Variants in ARHGAP21 observed in about 807,000 individuals in gnomAD.
ARHGAP21 encodes Rho GTPase activating protein 21.
Under a neutral mutation model 164.6 loss-of-function variants are expected in ARHGAP21, and 38 were observed. The observed-to-expected ratio is 0.23, with a 90% CI of 0.18 to 0.30. ARHGAP21 has a LOEUF of 0.30. ARHGAP21 is among the 10% of genes least tolerant of loss of function. The pLI is 1.00. For synonymous variants in ARHGAP21, 766 were observed against 857.9 expected, an observed-to-expected ratio of 0.89 and a Z score of 1.87; for missense variants, 1,822 against 2,370.7, an observed-to-expected ratio of 0.77 and a Z score of 4.81.
In ARHGAP21 at chr10:24,723,582, G is replaced by T. The variant is rs1273854694; in HGVS notation, c.-401C>A. 1 of 146,334 alleles carries T rather than the reference G, an allele frequency of 6.8e-6. No homozygotes were observed. Among genetic ancestry groups the T allele is most frequent in the Non-Finnish European group, 1.5e-5 (1 of 65,712 alleles). The allele number at this position is 146,334 out of a possible 1,614,324, so 9.1% of individuals were successfully genotyped here. ...CGCACCAGAGGAAGCGGGACGAGTGGATCCGCACGGGGCTGGCCGGCTCCG... is the reference window on the plus strand; with the variant it reads ...CGCACCAGAGGAAGCGGGACGAGTGTATCCGCACGGGGCTGGCCGGCTCCG... On this transcript the variant is annotated 5_prime_UTR_variant, in exon 1 of 26. Coordinates refer to ENST00000396432, the MANE Select transcript of ARHGAP21 (RefSeq NM_020824.4).
chr10:24,695,659 C>A (rs571082955), intron 2 of ARHGAP21, among the ~76,000 whole-genome samples: 1 of 152,274 alleles, frequency 6.6e-6, no homozygotes, highest in African/African-American at 2.4e-5. Context: ...CTCGCCTACA[C>A]TCTCTCTGGC....
chr10:24,617,267 T>A (rs1299105613), intron 9 of ARHGAP21, among the ~76,000 whole-genome samples: 1 of 152,232 alleles, frequency 6.6e-6, no homozygotes, highest in African/African-American at 2.4e-5. Flanking sequence ...GGAAGAAATA[T>A]TAACAGATAT....
chr10:24,628,804 TACATATATATAC>T (rs1243339037), intron 7 of ARHGAP21, among the ~76,000 whole-genome samples: 1 of 99,870 alleles, frequency 1.0e-5, no homozygotes, highest in Non-Finnish European at 2.1e-5. Context: ...TACACATATA[TACATATATATAC>T]ATATACACAC....
chr10:24,718,898 GA>G (rs891804851), intron 2 of ARHGAP21, among the ~76,000 whole-genome samples: 12 of 151,522 alleles, frequency 7.9e-5, no homozygotes, highest in Non-Finnish European at 1.5e-4. Context: ...GTTAGAAATG[GA>G]AAAAAAATCA....
chr10:24,658,767 T>C (rs1337699221), intron 4 of ARHGAP21, among the ~76,000 whole-genome samples: 2 of 151,408 alleles, frequency 1.3e-5, no homozygotes, highest in African/African-American at 4.9e-5. Context: ...ACATGGCACA[T>C]GTATACATAT....
intron 25 of ARHGAP21, 85 bp from the exon 26 acceptor site, chr10:24,586,191 T>C: frequency 7.1e-7 from 1 of 1,411,954 alleles, no homozygotes; most frequent in Non-Finnish European, 9.3e-7. Context: ...CAAATATTTC[T>C]TATCAAATTA....
chr10:24,686,350 G>T lies in ARHGAP21; in HGVS notation c.64-15953C>A, dbSNP rs958568908. Among the ~76,000 whole-genome samples the T allele has an allele frequency of 3.3e-5, 5 of 152,170 alleles. No homozygotes were observed. In the East Asian group the frequency reaches 9.7e-4, roughly 29 times the overall value. On this transcript the variant is annotated intron_variant, in intron 2 of 25. Coordinates refer to ENST00000396432, the MANE Select transcript of ARHGAP21 (RefSeq NM_020824.4). ...AGGCTAAGGCAGGTGGATCCCTTGA[G>T]CCCAAGAGGTCAAGGCTGCAGTGAG...
rs1356556540 is a variant in ARHGAP21, at chr10:24,615,507, T to C, written c.2422+3966A>G. Among the ~76,000 whole-genome samples the C allele has an allele frequency of 2.0e-5, 3 of 152,206 alleles. No individual in the cohort carries two copies. In the East Asian group the frequency reaches 5.8e-4, roughly 29 times the overall value. ...TCGGCATAAAACTTAGAATGATTTT[T>C]CAAGCTAAGATTTAAAAAAGTAAAA... On this transcript the variant is annotated intron_variant, in intron 9 of 25. Coordinates refer to ENST00000396432, the MANE Select transcript of ARHGAP21 (RefSeq NM_020824.4).
At chr10:24,616,912 T>C (rs149969395) in intron 9 of ARHGAP21, among the ~76,000 whole-genome samples, 1 of 152,292 alleles carries the variant, frequency 6.6e-6, no homozygotes, top group Admixed American at 6.5e-5. Context: ...TAATGAGTAA[T>C]ATTCCAAATT....
chr10:24,624,865 C>T (rs1483265093), intron 7 of ARHGAP21, among the ~76,000 whole-genome samples: 1 of 151,928 alleles, frequency 6.6e-6, no homozygotes, highest in Non-Finnish European at 1.5e-5. Context: ...CAGAATATGA[C>T]AAAACATTTT....
chr10:24,592,746 G>GA (rs111914027), intron 21 of ARHGAP21, among the ~76,000 whole-genome samples: 5,451 of 141,542 alleles, frequency 0.039, 298 homozygotes, highest in African/African-American at 0.13. Context: ...AAGAAAAAAA[G>GA]AAAAAAAAAA....
chr10:24,677,718 G>A (rs553797496), intron 2 of ARHGAP21, among the ~76,000 whole-genome samples: 1 of 152,284 alleles, frequency 6.6e-6, no homozygotes, highest in South Asian at 2.1e-4. Flanking sequence ...TAAGCTGTAA[G>A]TAATGACTGG....
intron 2 of ARHGAP21, among the ~76,000 whole-genome samples, chr10:24,708,710 A>G (rs888722797): frequency 6.6e-6 from 1 of 152,226 alleles, no homozygotes; most frequent in South Asian, 2.1e-4. Flanking sequence ...TGTTTCACTT[A>G]AGATAATGTC....
intron 2 of ARHGAP21, among the ~76,000 whole-genome samples, chr10:24,703,116 C>T (rs896957489): frequency 6.6e-6 from 1 of 151,968 alleles, no homozygotes. Context: ...TTGTAAAACC[C>T]ACACACAAAC....
At chr10:24,606,602 A>C (rs572165028) in intron 11 of ARHGAP21, among the ~76,000 whole-genome samples, 221 of 152,336 alleles carry the variant, frequency 1.5e-3, no homozygotes, top group Non-Finnish European at 3.1e-4. Flanking sequence ...TATTAAAATT[A>C]AAAATATGGC....
At chr10:24,592,155 GATTT>G in intron 21 of ARHGAP21, 143 bp from the exon 22 acceptor site, 2 of 295,968 alleles carry the variant, frequency 6.8e-6, no homozygotes, top group Non-Finnish European at 5.4e-6. Flanking sequence ...TTTCTAGCAA[GATTT>G]TTTTTTTTTT....
At chr10:24,615,446 G>A (rs761353369) in intron 9 of ARHGAP21, among the ~76,000 whole-genome samples, 4 of 152,182 alleles carry the variant, frequency 2.6e-5, no homozygotes, top group Non-Finnish European at 5.9e-5. Context: ...GGGAAGAGAT[G>A]CCAATTCAAA....
At chr10:24,685,071 G>A (rs1842096207) in intron 2 of ARHGAP21, among the ~76,000 whole-genome samples, 1 of 152,086 alleles carries the variant, frequency 6.6e-6, no homozygotes, top group African/African-American at 2.4e-5. Flanking sequence ...AAAATTGGGG[G>A]GAGGAGGGGT....
intron 4 of ARHGAP21, among the ~76,000 whole-genome samples, chr10:24,660,408 A>AAAAAAAAAAAT (rs1169618499): frequency 6.7e-6 from 1 of 150,006 alleles, no homozygotes; most frequent in Non-Finnish European, 1.5e-5. Flanking sequence ...AAAAAAAAAA[A>AAAAAAAAAAAT]AAGATGCTGA....
Sources: allele counts gnomAD v4.1 joint callset (sites outside exome capture counted in the v4.1 genomes callset), GRCh38; gene constraint gnomAD v4.1.1; transcripts MANE v1.5; gene names NCBI Gene and HGNC (gene_info 2026-07-23, HGNC 2026-07-21).